CHN2: variants seen among roughly 807,000 people sequenced by gnomAD.
The protein encoded by CHN2 is beta-chimaerin.
A neutral mutation model predicts 56.3 loss-of-function variants in CHN2; 35 were observed. That is an observed-to-expected ratio of 0.62 (90% CI 0.47 to 0.82). CHN2 has a LOEUF of 0.82. CHN2 is among the 40% of genes least tolerant of loss of function. The pLI, the probability that CHN2 is intolerant of heterozygous loss-of-function variation, is 0.00. For synonymous variants in CHN2, 210 were observed against 212.8 expected, an observed-to-expected ratio of 0.99 and a Z score of 0.12; for missense variants, 491 against 580.5, an observed-to-expected ratio of 0.85 and a Z score of 1.58.
At chr7:29,409,721 C>T (rs535291007) in intron 6 of CHN2, among the ~76,000 whole-genome samples, 1 of 152,316 alleles carries the variant, frequency 6.6e-6, no homozygotes, top group East Asian at 1.9e-4. Context: ...ATGTCAATCA[C>T]AGAAGGCAAT....
Position 29,194,811 on chromosome 7 carries a change from G to C in CHN2, c.-131G>C, listed in dbSNP as rs1562820743. ...AAGTGCAGGCAGAGTCCGGAGGCTG[G>C]TGCTTTCTGCGCGTCCCCAGGACTT... On this transcript the variant is annotated 5_prime_UTR_variant, in exon 1 of 13. Transcript: ENST00000222792. The C allele has an allele frequency of 4.1e-6, 3 of 732,326 alleles. No homozygotes were observed. The highest frequency in any genetic ancestry group is 3.5e-5 in the East Asian group (1 of 28,406). The allele number at this position is 732,326 out of a possible 1,614,324, so 45.4% of individuals were successfully genotyped here. A position where few individuals can be genotyped will look rare whatever the true frequency, so the allele number is the denominator to read the frequency against.
chr7:29,503,437 G>A (rs1790197504), intron 9 of CHN2, among the ~76,000 whole-genome samples: 1 of 152,174 alleles, frequency 6.6e-6, no homozygotes, highest in Non-Finnish European at 1.5e-5. Context: ...GTTCCAACTG[G>A]AATGAGATGT....
In CHN2 at chr7:29,507,354, T is replaced by G. The variant is rs1329486520; in HGVS notation, c.1118T>G (p.Ile373Arg). ...VITYDTYSKFIDAAKISNADE... is the reference protein window; with the variant it reads ...VITYDTYSKFRDAAKISNADE... ...ACATATGATACCTATTCCAAATTTA[T>G]AGATGCAGCAAGTAAGTACTTCAAA... The change falls in exon 11 of 13, where the codon ATA becomes AGA. Residue 373 changes from isoleucine to arginine, a missense_variant. By Grantham distance (97) the Ile-to-Arg change is moderately conservative (BLOSUM62 -3). Transcript: ENST00000222792. 6.2e-7 allele frequency: 1 copy of G among 1,606,082 alleles called. No homozygotes were observed.
intron 1 of CHN2, among the ~76,000 whole-genome samples, chr7:29,343,900 C>A (rs911678115): frequency 6.6e-6 from 1 of 152,214 alleles, no homozygotes; most frequent in African/African-American, 2.4e-5. Context: ...GTTCACTTGG[C>A]CATTCCTCAG....
chr7:29,258,282 A>G (rs529806285), intron 1 of CHN2, among the ~76,000 whole-genome samples: 4 of 152,290 alleles, frequency 2.6e-5, no homozygotes, highest in Non-Finnish European at 5.9e-5. Flanking sequence ...CCCTTTATAT[A>G]GCCTAAGTCT....
At chr7:29,502,590 C>A (rs1790088046) in intron 9 of CHN2, among the ~76,000 whole-genome samples, 1 of 152,188 alleles carries the variant, frequency 6.6e-6, no homozygotes, top group African/African-American at 2.4e-5. Flanking sequence ...CATCCTTTAT[C>A]ATTTCCTTCA....
intron 1 of CHN2, among the ~76,000 whole-genome samples, chr7:29,279,540 C>T (rs1021810186): frequency 1.2e-4 from 18 of 152,322 alleles, no homozygotes; most frequent in Middle Eastern, 3.4e-3. Context: ...AACTACAAGA[C>T]GGTTTCAGAG....
intron 2 of CHN2, among the ~76,000 whole-genome samples, chr7:29,153,063 C>A (rs1793827556): frequency 6.6e-6 from 1 of 152,178 alleles, no homozygotes; most frequent in Non-Finnish European, 1.5e-5. Context: ...CTCTACACCA[C>A]CATGTTGTAG....
rs10630481 is a variant in CHN2 at position 29,426,206 on chromosome 7, C to CAAAAA, written c.576+25396_576+25400dup. Among the ~76,000 whole-genome samples, 56 of 83,804 alleles carry CAAAAA rather than the reference C, an allele frequency of 6.7e-4. 1 individual carries two copies. The highest frequency in any genetic ancestry group is 1.2e-3 in the African/African-American group (31 of 25,484). The allele number at this position is 83,804 out of a possible 152,430, so 55.0% of individuals were successfully genotyped here. On this transcript the variant is annotated intron_variant, in intron 6 of 12. Transcript: ENST00000222792. Reference sequence around the variant, plus strand: ...CCTGGGTGATAGCGAGACTCTGTCTCAAAAAAAAAAAAAAAAAAAAAAGAG... The same window carrying CAAAAA: ...CCTGGGTGATAGCGAGACTCTGTCTCAAAAAAAAAAAAAAAAAAAAAAAAAAAGAG...
chr7:29,483,824 G>A, intron 7 of CHN2: 1 of 1,262,324 alleles, frequency 7.9e-7, no homozygotes. Flanking sequence ...GCACAGTGCT[G>A]AGGTAGCTTT....
intron 1 of CHN2, among the ~76,000 whole-genome samples, chr7:29,336,842 AAAC>A (rs1295867272): frequency 6.6e-6 from 1 of 151,422 alleles, no homozygotes; most frequent in Non-Finnish European, 1.5e-5. Context: ...CTTGAAGTGA[AAAC>A]AACAAGCATT....
rs138467319 is a variant in CHN2 at position 29,436,640 on chromosome 7, C to T, written c.576+35812C>T. Among the ~76,000 whole-genome samples, 823 of 152,166 alleles carry T rather than the reference C, an allele frequency of 5.4e-3. 4 individuals carry two copies. The highest frequency in any genetic ancestry group is 0.019 in the African/African-American group (771 of 41,510). ...CTTCCAAGGATTGTGCCTGGTGACA[C>T]CCCCCAAAAAAGTATTTGAATTCTC... On this transcript the variant is annotated intron_variant, in intron 6 of 12. Coordinates refer to ENST00000222792, the MANE Select transcript of CHN2 (RefSeq NM_004067.4).
intron 7 of CHN2, among the ~76,000 whole-genome samples, chr7:29,488,433 T>C (rs1017778641): frequency 7.2e-5 from 11 of 152,088 alleles, no homozygotes; most frequent in African/African-American, 2.7e-4. Context: ...GCCTCTCAGT[T>C]AACCCTGGGC....
chr7:29,456,999 C>T (rs113706205), intron 6 of CHN2, among the ~76,000 whole-genome samples: 268 of 152,292 alleles, frequency 1.8e-3, no homozygotes, highest in Non-Finnish European at 2.6e-3. Flanking sequence ...TGGTATGCCT[C>T]TTTTTCCAGA....
intron 6 of CHN2, among the ~76,000 whole-genome samples, chr7:29,455,665 C>G (rs1185142088): frequency 2.0e-5 from 3 of 152,194 alleles, no homozygotes; most frequent in African/African-American, 7.2e-5. Flanking sequence ...CTGTGGTGAA[C>G]AAGTGGCAGG....
chr7:29,351,824 T>C (rs948586700), intron 1 of CHN2, among the ~76,000 whole-genome samples: 3 of 152,174 alleles, frequency 2.0e-5, no homozygotes, highest in African/African-American at 7.2e-5. Flanking sequence ...CACAGTAGGA[T>C]GCTTGGAATT....
chr7:29,303,031 A>G lies in CHN2; in HGVS notation c.50-51594A>G, dbSNP rs560376160. ...CAGATCCCGGTCCCGCCCATCTTCC[A>G]GGTCCATCTAGGTTCCAGGGGTCTG... On this transcript the variant is annotated intron_variant, in intron 1 of 12. Transcript: ENST00000222792. Among the ~76,000 whole-genome samples, 14 of 152,270 alleles carry G rather than the reference A, an allele frequency of 9.2e-5. No homozygotes were observed. The South Asian group carries it at 2.9e-3, about 32-fold the overall frequency.
intron 1 of CHN2, among the ~76,000 whole-genome samples, chr7:29,327,012 G>A (rs756257173): frequency 6.6e-6 from 1 of 152,164 alleles, no homozygotes; most frequent in Non-Finnish European, 1.5e-5. Flanking sequence ...GAGGCAACCT[G>A]ATATATCTGA....
At chr7:29,421,153 A>G (rs1486644859) in intron 6 of CHN2, among the ~76,000 whole-genome samples, 2 of 152,188 alleles carry the variant, frequency 1.3e-5, no homozygotes, top group Non-Finnish European at 2.9e-5. Flanking sequence ...AGAAGCAGAT[A>G]GTACCAACAC....
Sources: gnomAD v4.1 joint callset for allele counts (sites outside exome capture counted in the v4.1 genomes callset) on GRCh38, gnomAD v4.1.1 for gene constraint, MANE v1.5 for transcripts, NCBI Gene and HGNC (gene_info 2026-07-23, HGNC 2026-07-21) for gene names.